The following STXBP5L variants were observed in gnomAD, a reference collection of about 807,000 sequenced individuals.
STXBP5L encodes syntaxin-binding protein 5-like.
A neutral mutation model predicts 144.5 loss-of-function variants in STXBP5L; 65 were observed. That is an observed-to-expected ratio of 0.45 (90% confidence interval 0.37 to 0.55). The LOEUF (loss-of-function observed/expected upper bound fraction) is 0.55. Ranked by LOEUF, STXBP5L falls within the 20% of genes least tolerant of loss-of-function variation. STXBP5L has a pLI of 0.00. For synonymous variants in STXBP5L, 505 were observed against 469.6 expected, an observed-to-expected ratio of 1.08 and a Z score of -0.97; for missense variants, 1,298 against 1,405.5, an observed-to-expected ratio of 0.92 and a Z score of 1.22.
At chr3:121,264,616 A>G (rs1247172873) in intron 18 of STXBP5L, among the ~76,000 whole-genome samples, 3 of 152,196 alleles carry the variant, frequency 2.0e-5, no homozygotes, top group African/African-American at 4.8e-5. Context: ...GATCAAATTT[A>G]CACATAACAA....
intron 14 of STXBP5L, among the ~76,000 whole-genome samples, chr3:121,240,917 A>G (rs1342381008): frequency 6.6e-6 from 1 of 152,208 alleles, no homozygotes; most frequent in Non-Finnish European, 1.5e-5. Flanking sequence ...ACTCCTTTGT[A>G]TGACAACCCA....
At chr3:121,099,603 T>A (rs2043310664) in intron 5 of STXBP5L, 2 of 153,040 alleles carry the variant, frequency 1.3e-5, no homozygotes, top group Non-Finnish European at 2.9e-5. Context: ...TGAGTGTAAC[T>A]GGTGTAGAAA....
At chr3:121,001,831 C>T (rs187216043) in intron 3 of STXBP5L, among the ~76,000 whole-genome samples, 1 of 152,192 alleles carries the variant, frequency 6.6e-6, no homozygotes. Flanking sequence ...TCTTCATGGT[C>T]TGGCCACTCA....
intron 9 of STXBP5L, among the ~76,000 whole-genome samples, chr3:121,164,725 C>T (rs1415288251): frequency 6.6e-6 from 1 of 152,122 alleles, no homozygotes; most frequent in Non-Finnish European, 1.5e-5. Context: ...GAAAGATATC[C>T]TGTCATTTGC....
At chr3:121,092,754 AC>A (rs1355749251) in intron 5 of STXBP5L, among the ~76,000 whole-genome samples, 1 of 152,110 alleles carries the variant, frequency 6.6e-6, no homozygotes, top group Non-Finnish European at 1.5e-5. Flanking sequence ...CTAATTGAAT[AC>A]CCTTTATTTC....
intron 5 of STXBP5L, among the ~76,000 whole-genome samples, chr3:121,110,258 A>C (rs958493406): frequency 5.3e-5 from 8 of 152,182 alleles, no homozygotes; most frequent in Non-Finnish European, 2.9e-5. Flanking sequence ...CATGATGCCA[A>C]CTGGTTATTT....
intron 19 of STXBP5L, among the ~76,000 whole-genome samples, chr3:121,308,555 T>C (rs1292645385): frequency 6.6e-6 from 1 of 152,212 alleles, no homozygotes; most frequent in African/African-American, 2.4e-5. Context: ...ACAACATATA[T>C]ATAATTGTTA....
At chr3:121,058,784 G>T (rs753599693) in intron 5 of STXBP5L, among the ~76,000 whole-genome samples, 1 of 152,144 alleles carries the variant, frequency 6.6e-6, no homozygotes, top group Non-Finnish European at 1.5e-5. Context: ...CTTTTGAGGA[G>T]TGTCTGTTCA....
At chr3:120,983,060 CAT>C (rs1483281743) in intron 3 of STXBP5L, among the ~76,000 whole-genome samples, 2 of 152,174 alleles carry the variant, frequency 1.3e-5, no homozygotes, top group African/African-American at 2.4e-5. Context: ...CTGTGATACA[CAT>C]GTTTTGCTCA....
chr3:121,120,568 T>A (rs1327783001), intron 6 of STXBP5L, among the ~76,000 whole-genome samples: 1 of 151,238 alleles, frequency 6.6e-6, no homozygotes, highest in Non-Finnish European at 1.5e-5. Flanking sequence ...TCCTAATATT[T>A]CCATTTTTAG....
chr3:121,356,668 T>A (rs2045525745), intron 20 of STXBP5L, among the ~76,000 whole-genome samples: 1 of 152,184 alleles, frequency 6.6e-6, no homozygotes, highest in Non-Finnish European at 1.5e-5. Context: ...TGCCCTGCCC[T>A]GCTTCAGCTC....
At chr3:120,967,112 G>A (rs1421131877) in intron 3 of STXBP5L, among the ~76,000 whole-genome samples, 2 of 152,146 alleles carry the variant, frequency 1.3e-5, no homozygotes, top group Non-Finnish European at 2.9e-5. Flanking sequence ...AGCCAGGCAC[G>A]AGAGAGAATC....
intron 19 of STXBP5L, among the ~76,000 whole-genome samples, chr3:121,295,173 T>C (rs1220610331): frequency 6.6e-6 from 1 of 151,512 alleles, no homozygotes; most frequent in Non-Finnish European, 1.5e-5. Flanking sequence ...GAAAAAGAGA[T>C]TGAGGATAAG....
At chr3:121,326,847 C>G (rs1033558526) in intron 20 of STXBP5L, among the ~76,000 whole-genome samples, 1 of 152,064 alleles carries the variant, frequency 6.6e-6, no homozygotes, top group South Asian at 2.1e-4. Flanking sequence ...TCTGGACTTC[C>G]AAATATTCGT....
intron 3 of STXBP5L, among the ~76,000 whole-genome samples, chr3:120,970,368 G>T (rs1411402181): frequency 6.6e-6 from 1 of 151,958 alleles, no homozygotes; most frequent in African/African-American, 2.4e-5. Flanking sequence ...TGTAAGACAG[G>T]TCACATTTTG....
chr3:121,003,446 A>T (rs1350674750), intron 3 of STXBP5L, among the ~76,000 whole-genome samples: 3 of 152,146 alleles, frequency 2.0e-5, no homozygotes, highest in Non-Finnish European at 4.4e-5. Context: ...TAGATTCTGG[A>T]TATTAGCCCT....
At chr3:121,093,954 A>G (rs979173339) in intron 5 of STXBP5L, among the ~76,000 whole-genome samples, 34 of 151,814 alleles carry the variant, frequency 2.2e-4, no homozygotes, top group African/African-American at 7.7e-4. Flanking sequence ...TGTGTCCCGG[A>G]GATTCTGGTA....
At chr3:121,245,675 T>A (rs2049825670) in intron 14 of STXBP5L, among the ~76,000 whole-genome samples, 1 of 152,014 alleles carries the variant, frequency 6.6e-6, no homozygotes, top group South Asian at 2.1e-4. Flanking sequence ...TTTAAGTCAA[T>A]AACTCACAAG....
intron 2 of STXBP5L, among the ~76,000 whole-genome samples, chr3:120,951,216 G>T (rs938280999): frequency 2.6e-5 from 4 of 152,090 alleles, no homozygotes; most frequent in African/African-American, 9.7e-5. Flanking sequence ...GAAAACCTAG[G>T]CATTACCATT....
Sources: allele counts gnomAD v4.1 joint callset (sites outside exome capture counted in the v4.1 genomes callset), GRCh38; gene constraint gnomAD v4.1.1; transcripts MANE v1.5; gene names NCBI Gene and HGNC (gene_info 2026-07-23, HGNC 2026-07-21).